The following PCDHGB3 variants were observed in gnomAD, a reference collection of about 807,000 sequenced individuals.
The protein encoded by PCDHGB3 is protocadherin gamma-B3.
A neutral mutation model predicts 59.2 loss-of-function variants in PCDHGB3; 40 were observed. That is an observed-to-expected ratio of 0.68 (90% CI 0.52 to 0.88). PCDHGB3 has a LOEUF of 0.88. PCDHGB3 is among the 40% of genes least tolerant of loss of function. PCDHGB3 has a pLI of 0.00. For missense variants in PCDHGB3, 1,309 were observed against 1,187.9 expected (o/e 1.10, Z -1.50); for synonymous variants, 581 against 503.6 (o/e 1.15, Z -2.06).
chr5:141,410,161 A>C (rs2095363664), intron 1 of PCDHGB3: 1 of 1,613,220 alleles, frequency 6.2e-7, no homozygotes, highest in African/African-American at 1.3e-5. Context: ...GACAGCCGCC[A>C]CTCTCTGCCA....
intron 1 of PCDHGB3, among the ~76,000 whole-genome samples, chr5:141,446,430 T>A (rs1468987045): frequency 6.6e-6 from 1 of 152,058 alleles, no homozygotes; most frequent in Non-Finnish European, 1.5e-5. Flanking sequence ...ATTTGAAGGA[T>A]CTGAGAAACA....
chr5:141,388,936 C>A, intron 1 of PCDHGB3: 4 of 1,613,926 alleles, frequency 2.5e-6, no homozygotes, highest in Non-Finnish European at 3.4e-6. Context: ...CAGTCTCTAC[C>A]CAACCTAATT....
In PCDHGB3 at chr5:141,370,457, G is replaced by T. The variant is rs774974710; in HGVS notation, c.63G>T (p.Leu21=). 2.5e-6 allele frequency: 4 copies of T among 1,611,872 alleles called. No homozygotes were observed. In the South Asian group the frequency reaches 4.4e-5, roughly 18 times the overall value. ...AGQRRMLFLF[L]LSLLDQALSE... ...AGAGGCGAATGCTATTTCTCTTCCT[G>T]CTCTCTTTGTTAGACCAGGCTCTCT... The change falls in exon 1 of 4, where the codon CTG becomes CTT. Residue 21 remains leucine, a synonymous_variant. Transcript: ENST00000576222.
Position 141,489,068 on chromosome 5 carries a change from G to GGCC in PCDHGB3, c.2416-5739_2416-5738insGCC. The GGCC allele has an allele frequency of 3.4e-6, 1 of 291,556 alleles. No individual in the cohort carries two copies. The allele number at this position is 291,556 out of a possible 1,614,324, so 18.1% of individuals were successfully genotyped here. A position where few individuals can be genotyped will look rare whatever the true frequency, so the allele number is the denominator to read the frequency against. ...CTCAAATTCAGCTCCCCTCCCCCCT[G>GGCC]CCCACCCCCGCCACTCGGTGACTAA... On this transcript the variant is annotated intron_variant, in intron 1 of 3. Coordinates refer to ENST00000576222, the MANE Select transcript of PCDHGB3 (RefSeq NM_018924.5). The surrounding 1 kb of genome is among the most constrained non-coding windows in gnomAD (Gnocchi z 4.5).
At chr5:141,415,366 G>T in intron 1 of PCDHGB3, 1 of 1,614,252 alleles carries the variant, frequency 6.2e-7, no homozygotes, top group South Asian at 1.1e-5. Flanking sequence ...CCTGCTGCAG[G>T]CTTCAGGAGG....
At position 141,485,968 on chromosome 5, in the gene PCDHGB3, T is replaced by C; in HGVS notation, c.2416-8839T>C. On this transcript the variant is annotated intron_variant, in intron 1 of 3. Coordinates refer to ENST00000576222, the MANE Select transcript of PCDHGB3 (RefSeq NM_018924.5). The surrounding 1 kb of genome is among the most constrained non-coding windows in gnomAD (Gnocchi z 5.7). The stretch of plus-strand genomic sequence containing the variant: ...CGGGCATGGTGCTCATCCAGCTCAA[T>C]GCCTCAGACCCGGACCTGGGTCCCA... 6.2e-7 allele frequency: 1 copy of C among 1,614,216 alleles called. No homozygotes were observed. The highest frequency in any genetic ancestry group is 1.1e-5 in the South Asian group (1 of 91,088).
chr5:141,428,536 A>G (rs981530261), intron 1 of PCDHGB3: 1 of 273,778 alleles, frequency 3.7e-6, no homozygotes, highest in Non-Finnish European at 7.2e-6. Flanking sequence ...TTTTCTCACC[A>G]TGACACCAGA....
intron 1 of PCDHGB3, among the ~76,000 whole-genome samples, chr5:141,436,604 G>A (rs2097836057): frequency 6.6e-6 from 1 of 152,146 alleles, no homozygotes; most frequent in Admixed American, 6.5e-5. Context: ...GTGATGGCTA[G>A]GGCTAACAAA....
intron 1 of PCDHGB3, among the ~76,000 whole-genome samples, chr5:141,387,513 TA>T (rs1226986342): frequency 5.3e-5 from 8 of 152,366 alleles, no homozygotes; most frequent in East Asian, 3.9e-4. Flanking sequence ...TAGACGTCAT[TA>T]AATATACAGA....
At chr5:141,510,589 A>G (rs1043188276) in intron 3 of PCDHGB3, among the ~76,000 whole-genome samples, 2 of 152,194 alleles carry the variant, frequency 1.3e-5, no homozygotes, top group African/African-American at 2.4e-5. Context: ...CGTACCTGAC[A>G]TACATTTTCT....
rs1188707468 is a variant in PCDHGB3 at position 141,384,157 on chromosome 5, A to G, written c.2415+11348A>G. The G allele has an allele frequency of 8.7e-6, 14 of 1,613,580 alleles. No individual in the cohort carries two copies. The highest frequency in any genetic ancestry group is 1.1e-5 in the South Asian group (1 of 91,054). ...CCGGGAAACACTCTCTTTGTATAAC[A>G]TCACACTGAAAGCCACAGATGGTGG... On this transcript the variant is annotated intron_variant, in intron 1 of 3. Coordinates refer to ENST00000576222, the MANE Select transcript of PCDHGB3 (RefSeq NM_018924.5).
rs926009065 is a variant in PCDHGB3, at chr5:141,488,023, AG to A, written c.2416-6782del. ...TCAGATTCTGAAGTACCTTAACTCT[AG>A]GTTACCATTTCCCAAGGGATTGAGG... On this transcript the variant is annotated intron_variant, in intron 1 of 3. Transcript: ENST00000576222. 1.4e-3 allele frequency among the ~76,000 whole-genome samples: 213 copies of A among 152,260 alleles called. 1 individual carries two copies. The highest frequency in any genetic ancestry group is 5.0e-3 in the African/African-American group (208 of 41,542).
intron 1 of PCDHGB3, among the ~76,000 whole-genome samples, chr5:141,445,902 T>C (rs1022574381): frequency 3.9e-5 from 6 of 152,186 alleles, no homozygotes; most frequent in Non-Finnish European, 8.8e-5. Context: ...TTAAAATATT[T>C]TAAACAAGGC....
In PCDHGB3 at chr5:141,372,479, G is replaced by A. The variant is rs568230269; in HGVS notation, c.2085G>A (p.Ala695=). Residue 695 remains alanine, a synonymous_variant, in exon 1 of 4, where the codon GCG becomes GCA. Transcript: ENST00000576222. ...QAELQFHLVV[A]LALISVLFLL... is the part of the protein sequence containing the mutation. ...AGCTACAGTTTCACCTAGTAGTGGC[G>A]TTGGCCTTGATCTCAGTGCTCTTCC... 3 of 1,614,020 alleles carry A rather than the reference G, an allele frequency of 1.9e-6. No individual in the cohort carries two copies. Among genetic ancestry groups the A allele is most frequent in the African/African-American group, 2.7e-5 (2 of 75,052 alleles).
chr5:141,384,913 T>C, intron 1 of PCDHGB3: 1 of 1,613,988 alleles, frequency 6.2e-7, no homozygotes, highest in Non-Finnish European at 8.5e-7. Context: ...CCCCGAAGTC[T>C]TGGCCGACCT....
chr5:141,409,942 C>G, intron 1 of PCDHGB3: 2 of 1,613,284 alleles, frequency 1.2e-6, no homozygotes, highest in Non-Finnish European at 1.7e-6. Context: ...TGGTACCTCG[C>G]TCTGCAGAGC....
Position 141,478,316 on chromosome 5 carries a change from C to T in PCDHGB3, c.2416-16491C>T, listed in dbSNP as rs776948755. ...CCTATACCGAGCCCCGGTGAGCTCA[C>T]TGTACCGAACACCAGGGCCCTCCTT... On this transcript the variant is annotated intron_variant, in intron 1 of 3. Coordinates refer to ENST00000576222, the MANE Select transcript of PCDHGB3 (RefSeq NM_018924.5). 120 of 1,613,924 alleles carry T rather than the reference C, an allele frequency of 7.4e-5. 2 individuals carry two copies. In the South Asian group the frequency reaches 1.3e-3, roughly 18 times the overall value.
intron 1 of PCDHGB3, chr5:141,416,864 G>C (rs2096066198): frequency 6.6e-6 from 1 of 151,862 alleles, no homozygotes; most frequent in Admixed American, 6.6e-5. Flanking sequence ...TTTCAGGTCA[G>C]TCAACATTTG....
chr5:141,505,335 A>G, intron 2 of PCDHGB3, 58 bp from the exon 3 acceptor site: 1 of 1,611,086 alleles, frequency 6.2e-7, no homozygotes, highest in Non-Finnish European at 8.5e-7. Flanking sequence ...AGAGGACAGG[A>G]GGGGCATGAG....
Sources: gnomAD v4.1 joint callset for allele counts (sites outside exome capture counted in the v4.1 genomes callset) on GRCh38, gnomAD v4.1.1 for gene constraint, Gnocchi (gnomAD v3.1) non-coding constraint, MANE v1.5 for transcripts, NCBI Gene and HGNC (gene_info 2026-07-23, HGNC 2026-07-21) for gene names.